Variants in MAP7 observed in about 807,000 individuals in gnomAD.
The protein encoded by MAP7 is microtubule associated protein 7, also known as ensconsin.
Under a neutral mutation model 94.8 loss-of-function variants are expected in MAP7, and 52 were observed. That is an observed-to-expected ratio of 0.55 (90% CI 0.44 to 0.69). The LOEUF (loss-of-function observed/expected upper bound fraction) is 0.69. Among genes scored for constraint, MAP7 ranks in the 30% least tolerant of loss-of-function variants. The probability of loss-of-function intolerance (pLI) is 0.00; values close to 1 mark genes in which losing one functional copy is unlikely to be tolerated. For missense variants in MAP7, 940 were observed against 964.6 expected (o/e 0.97, Z 0.34); for synonymous variants, 350 against 357.0 (o/e 0.98, Z 0.22).
chr6:136,393,056 T>C (rs1242672658), intron 3 of MAP7, among the ~76,000 whole-genome samples: 1 of 152,238 alleles, frequency 6.6e-6, no homozygotes, highest in Non-Finnish European at 1.5e-5. Flanking sequence ...TAAATAATGT[T>C]TTCATCAGGC....
chr6:136,396,212 T>C (rs1398341664), intron 3 of MAP7, among the ~76,000 whole-genome samples: 7 of 152,186 alleles, frequency 4.6e-5, no homozygotes, highest in Admixed American at 3.9e-4. Context: ...TGCACTTTTT[T>C]GTGAGCTTTT....
chr6:136,371,033 G>T (rs1048654928), intron 8 of MAP7, among the ~76,000 whole-genome samples: 1 of 151,988 alleles, frequency 6.6e-6, no homozygotes, highest in African/African-American at 2.4e-5. Context: ...CAGCTCCAGG[G>T]TATAAATGAC....
At chr6:136,360,152 AC>A in intron 13 of MAP7, 121 bp from the exon 14 acceptor site, 4 of 737,100 alleles carry the variant, frequency 5.4e-6, no homozygotes, top group Non-Finnish European at 4.3e-6. Flanking sequence ...TACAATATGC[AC>A]TTTTTTTTTT....
chr6:136,391,415 G>A (rs9399181), intron 3 of MAP7, among the ~76,000 whole-genome samples: 7 of 127,014 alleles, frequency 5.5e-5, no homozygotes, highest in Admixed American at 2.5e-4. Flanking sequence ...GTCGGGGGAG[G>A]GGGGAGGGAT....
chr6:136,379,493 G>T (rs1562332391), intron 6 of MAP7, among the ~76,000 whole-genome samples: 1 of 152,190 alleles, frequency 6.6e-6, no homozygotes, highest in Non-Finnish European at 1.5e-5. Context: ...TAAGCTATGT[G>T]CAGCAGTGTA....
intron 16 of MAP7, among the ~76,000 whole-genome samples, chr6:136,353,272 T>C (rs185584903): frequency 1.3e-5 from 2 of 152,346 alleles, no homozygotes; most frequent in East Asian, 1.9e-4. Context: ...AGCATACTGA[T>C]ATCAGGTAGC....
intron 15 of MAP7, 129 bp downstream of exon 15, chr6:136,359,691 C>G: frequency 1.2e-6 from 1 of 830,446 alleles, no homozygotes; most frequent in Non-Finnish European, 2.0e-6. Flanking sequence ...ATGACAGACC[C>G]CTAAGCTTCT....
intron 3 of MAP7, among the ~76,000 whole-genome samples, chr6:136,409,324 C>T (rs9389388): frequency 0.048 from 7,268 of 151,966 alleles, 354 homozygotes; most frequent in African/African-American, 0.12. Context: ...GAGGCTGTAG[C>T]GCACCGTGAT....
intron 1 of MAP7, among the ~76,000 whole-genome samples, chr6:136,543,406 T>C (rs946682505): frequency 2.0e-5 from 3 of 152,206 alleles, no homozygotes; most frequent in Non-Finnish European, 4.4e-5. Context: ...CCCAGCACTT[T>C]GGGATACTGA....
rs927872862 is a variant in MAP7, at chr6:136,378,877, G to A, written c.638-1009C>T. 1.4e-4 allele frequency among the ~76,000 whole-genome samples: 22 copies of A among 152,264 alleles called. No individual in the cohort carries two copies. In the Middle Eastern group the frequency reaches 0.01, roughly 71 times the overall value. On this transcript the variant is annotated intron_variant, in intron 6 of 17. Coordinates refer to ENST00000354570, the MANE Select transcript of MAP7 (RefSeq NM_003980.6). ...TATCTTTGTTTTAGAACACATTCCT[G>A]TCACTTTTAAAAGTTTTGTTTGTGT...
chr6:136,474,613 T>C (rs1361546377), intron 1 of MAP7, among the ~76,000 whole-genome samples: 3 of 152,156 alleles, frequency 2.0e-5, no homozygotes, highest in Non-Finnish European at 2.9e-5. Context: ...ATCAAAAAGG[T>C]AAAATCTGTG....
At chr6:136,427,353 T>C (rs1413182514) in intron 1 of MAP7, among the ~76,000 whole-genome samples, 1 of 152,226 alleles carries the variant, frequency 6.6e-6, no homozygotes, top group Non-Finnish European at 1.5e-5. Context: ...AGATAAAATA[T>C]GGGAAACTGA....
intron 1 of MAP7, among the ~76,000 whole-genome samples, chr6:136,546,179 A>AT (rs1437970338): frequency 6.6e-6 from 1 of 151,916 alleles, no homozygotes; most frequent in East Asian, 1.9e-4. Flanking sequence ...CACCAGGCTA[A>AT]TTTTTTTATT....
At chr6:136,374,269 C>G (rs1293726024) in intron 7 of MAP7, among the ~76,000 whole-genome samples, 3 of 152,238 alleles carry the variant, frequency 2.0e-5, no homozygotes, top group Middle Eastern at 6.8e-3. Flanking sequence ...GTCATTTTGC[C>G]TGGGATCACA....
chr6:136,492,567 T>C (rs894874596), intron 1 of MAP7, among the ~76,000 whole-genome samples: 8 of 152,228 alleles, frequency 5.3e-5, no homozygotes, highest in Non-Finnish European at 8.8e-5. Context: ...TGTTGTCTGG[T>C]TTTTATCATT....
chr6:136,498,910 AT>A (rs1385787053), intron 1 of MAP7, among the ~76,000 whole-genome samples: 1 of 151,520 alleles, frequency 6.6e-6, no homozygotes, highest in Admixed American at 6.6e-5. Flanking sequence ...TTTCGCTGAG[AT>A]TTTTTGGGTT....
intron 1 of MAP7, among the ~76,000 whole-genome samples, chr6:136,450,227 T>C (rs898939343): frequency 3.1e-4 from 47 of 152,290 alleles, no homozygotes; most frequent in African/African-American, 1.1e-3. Context: ...GTATAAGCCT[T>C]TTATCCTTTT....
At chr6:136,523,391 TTAAC>T (rs1426494317) in intron 1 of MAP7, among the ~76,000 whole-genome samples, 1 of 152,230 alleles carries the variant, frequency 6.6e-6, no homozygotes, top group Non-Finnish European at 1.5e-5. Context: ...ATGTGGCTAT[TTAAC>T]TAAAATTTTG....
intron 13 of MAP7, 39 bp downstream of exon 13, chr6:136,360,658 A>C (rs1386377243): frequency 6.3e-7 from 1 of 1,584,474 alleles, no homozygotes; most frequent in Admixed American, 1.7e-5. Flanking sequence ...TTAGAGGTGC[A>C]AGTTCGCGTC....
Sources: allele counts gnomAD v4.1 joint callset (sites outside exome capture counted in the v4.1 genomes callset), GRCh38; gene constraint gnomAD v4.1.1; transcripts MANE v1.5; gene names NCBI Gene and HGNC (gene_info 2026-07-23, HGNC 2026-07-21).